The following COL4A1 variants were observed in gnomAD, a reference collection of about 807,000 sequenced individuals.
COL4A1 encodes collagen alpha-1(IV) chain.
In COL4A1, 40 loss-of-function variants were observed where a neutral mutation model predicts 216.6. The observed-to-expected ratio is 0.18, with a 90% CI of 0.14 to 0.24. The LOEUF (loss-of-function observed/expected upper bound fraction) is 0.24. COL4A1 is among the 10% of genes least tolerant of loss of function. The probability of loss-of-function intolerance (pLI) is 1.00; values close to 1 mark genes in which losing one functional copy is unlikely to be tolerated. For missense variants in COL4A1, 1,628 were observed against 2,196.8 expected (o/e 0.74, Z 5.18); for synonymous variants, 839 against 810.7 (o/e 1.03, Z -0.59).
At position 110,268,101 on chromosome 13, in the gene COL4A1, G is replaced by A. The variant is rs567258005; in HGVS notation, c.85-25367C>T. On this transcript the variant is annotated intron_variant, in intron 1 of 51. Coordinates refer to ENST00000375820, the MANE Select transcript of COL4A1 (RefSeq NM_001845.6). The surrounding 1 kb of genome is among the most constrained non-coding windows in gnomAD (Gnocchi z 4.1). The stretch of plus-strand genomic sequence containing the variant: ...TTGACTCCAGGAGGAAAGTTTGACA[G>A]ACTGCTGTTAAGCACCTACAGTATA... 2.6e-5 allele frequency among the ~76,000 whole-genome samples: 4 copies of A among 152,286 alleles called. No homozygotes were observed. The highest frequency in any genetic ancestry group is 9.6e-5 in the African/African-American group (4 of 41,556).
intron 47 of COL4A1, among the ~76,000 whole-genome samples, chr13:110,163,205 C>T (rs1339108117): frequency 3.3e-5 from 5 of 152,240 alleles, no homozygotes; most frequent in Non-Finnish European, 7.3e-5. Context: ...TAGGAAACCA[C>T]ATGGGCCACC....
rs1566352790 is a variant in COL4A1, at chr13:110,178,221, T to C, written c.2469A>G (p.Gly823=). The C allele has an allele frequency of 6.2e-7, 1 of 1,613,822 alleles. No individual in the cohort carries two copies. The highest frequency in any genetic ancestry group is 1.1e-5 in the South Asian group (1 of 91,084). ...CGGGGAAACCCTTCTCTCCTTTTAT[T>C]CCAGGAGGGCCTGCAGTTGGGTGAA... ...QGPPGLSGPP[G]IKGEKGFPGF... The change falls in exon 32 of 52, where the codon GGA becomes GGG. Residue 823 remains glycine, a synonymous_variant. Coordinates refer to ENST00000375820, the MANE Select transcript of COL4A1 (RefSeq NM_001845.6).
intron 1 of COL4A1, among the ~76,000 whole-genome samples, chr13:110,246,662 T>C (rs1461970253): frequency 6.6e-6 from 1 of 152,196 alleles, no homozygotes; most frequent in East Asian, 1.9e-4. Context: ...GCTGCATATC[T>C]GAGGGCCTTT....
At chr13:110,254,434 T>C (rs1028995150) in intron 1 of COL4A1, among the ~76,000 whole-genome samples, 8 of 152,174 alleles carry the variant, frequency 5.3e-5, no homozygotes, top group African/African-American at 1.9e-4. Flanking sequence ...GGCTTTGCTC[T>C]GAGGAAGACA....
intron 1 of COL4A1, among the ~76,000 whole-genome samples, chr13:110,276,911 T>C (rs1883453305): frequency 6.6e-6 from 1 of 152,236 alleles, no homozygotes; most frequent in Non-Finnish European, 1.5e-5. Context: ...CTAGAAGTTT[T>C]TGAATGAATA....
intron 41 of COL4A1, among the ~76,000 whole-genome samples, chr13:110,171,236 A>G (rs1001489531): frequency 6.6e-6 from 1 of 152,196 alleles, no homozygotes; most frequent in Admixed American, 6.5e-5. Context: ...GTATGGTTTT[A>G]TTTTTGTAAA....
chr13:110,246,660 T>G (rs1392860090), intron 1 of COL4A1, among the ~76,000 whole-genome samples: 1 of 152,184 alleles, frequency 6.6e-6, no homozygotes, highest in Non-Finnish European at 1.5e-5. Context: ...TGGCTGCATA[T>G]CTGAGGGCCT....
At chr13:110,299,615 A>G (rs1884414920) in intron 1 of COL4A1, among the ~76,000 whole-genome samples, 1 of 152,218 alleles carries the variant, frequency 6.6e-6, no homozygotes, top group African/African-American at 2.4e-5. Flanking sequence ...ATTTCCCTGC[A>G]GGGCCTGTGA....
At position 110,238,105 on chromosome 13, in the gene COL4A1, G is replaced by A. The variant is rs1594079165; in HGVS notation, c.144+4570C>T. Among the ~76,000 whole-genome samples, 3 of 152,358 alleles carry A rather than the reference G, an allele frequency of 2.0e-5. No homozygotes were observed. In the East Asian group the frequency reaches 5.8e-4, roughly 29 times the overall value. On this transcript the variant is annotated intron_variant, in intron 2 of 51. Transcript: ENST00000375820. ...AATATTATTGCAATGCAGAGCCAAT[G>A]TGGACAGGAGCTGTGATTTATAGAC...
chr13:110,220,127 G>C (rs560065540), intron 2 of COL4A1, among the ~76,000 whole-genome samples: 4 of 151,868 alleles, frequency 2.6e-5, no homozygotes, highest in Non-Finnish European at 4.4e-5. Context: ...TAGTAGAGAC[G>C]GGGTTTCGCC....
chr13:110,303,897 C>T (rs945501536), intron 1 of COL4A1, among the ~76,000 whole-genome samples: 2 of 152,162 alleles, frequency 1.3e-5, no homozygotes, highest in African/African-American at 2.4e-5. Context: ...CAAACGGGTC[C>T]GTGTGAGGAA....
At chr13:110,200,711 G>A in intron 20 of COL4A1, 143 bp downstream of exon 20, 2 of 900,716 alleles carry the variant, frequency 2.2e-6, no homozygotes, top group Non-Finnish European at 3.6e-6. Flanking sequence ...TGTCTACTCT[G>A]CTTTCATCAC....
intron 1 of COL4A1, among the ~76,000 whole-genome samples, chr13:110,301,736 AG>A (rs915636882): frequency 1.3e-4 from 20 of 152,340 alleles, no homozygotes; most frequent in African/African-American, 4.6e-4. Context: ...GCCGGGGAGC[AG>A]GAGAAGATGA....
chr13:110,271,574 A>G (rs1282501405), intron 1 of COL4A1, among the ~76,000 whole-genome samples: 1 of 152,086 alleles, frequency 6.6e-6, no homozygotes, highest in African/African-American at 2.4e-5. Flanking sequence ...ACTGGCCAGG[A>G]CTCGCCAAGG....
chr13:110,217,665 C>G (rs1023512592), intron 2 of COL4A1, among the ~76,000 whole-genome samples: 1 of 152,164 alleles, frequency 6.6e-6, no homozygotes, highest in Non-Finnish European at 1.5e-5. Flanking sequence ...CAGTGCAATG[C>G]AGAGCACTGA....
intron 43 of COL4A1, 139 bp downstream of exon 43, chr13:110,169,490 G>A: frequency 8.2e-7 from 1 of 1,221,600 alleles, no homozygotes; most frequent in East Asian, 2.7e-5. Flanking sequence ...TGGGGATGTG[G>A]GAGTGTAACA....
chr13:110,293,832 C>T (rs1255982815), intron 1 of COL4A1, among the ~76,000 whole-genome samples: 1 of 152,212 alleles, frequency 6.6e-6, no homozygotes, highest in Non-Finnish European at 1.5e-5. Flanking sequence ...ACATGCACTG[C>T]CAATTGTCCA....
At chr13:110,177,562 G>A (rs925873438) in intron 33 of COL4A1, among the ~76,000 whole-genome samples, 3 of 152,170 alleles carry the variant, frequency 2.0e-5, no homozygotes, top group African/African-American at 7.2e-5. Context: ...TGGCATGGCT[G>A]AAGATTCCAC....
intron 1 of COL4A1, among the ~76,000 whole-genome samples, chr13:110,273,521 A>G (rs567287454): frequency 6.0e-4 from 92 of 152,330 alleles, no homozygotes; most frequent in South Asian, 1.2e-3. Flanking sequence ...GCTCGCTCCT[A>G]AACACACAGA....
Sources: allele counts gnomAD v4.1 joint callset (sites outside exome capture counted in the v4.1 genomes callset), GRCh38; gene constraint gnomAD v4.1.1; non-coding constraint Gnocchi (gnomAD v3.1); transcripts MANE v1.5; gene names NCBI Gene and HGNC (gene_info 2026-07-23, HGNC 2026-07-21).